Variants in EMC7 observed in about 807,000 individuals in gnomAD.
EMC7 encodes ER membrane protein complex subunit 7.
EMC7 carries 4 observed loss-of-function variants against 24.4 expected under a neutral mutation model. The observed-to-expected ratio is 0.16, with a 90% confidence interval of 0.08 to 0.38. The LOEUF is 0.38. Ranked by LOEUF, EMC7 falls within the 10% of genes least tolerant of loss-of-function variation. The pLI, the probability that EMC7 is intolerant of heterozygous loss-of-function variation, is 1.00. For missense variants in EMC7, 221 were observed against 300.6 expected, an observed-to-expected ratio of 0.74 and a Z score of 1.96; for synonymous variants, 106 against 112.0, an observed-to-expected ratio of 0.95 and a Z score of 0.34.
intron 4 of EMC7, among the ~76,000 whole-genome samples, chr15:34,087,573 T>C (rs1900909140): frequency 6.6e-6 from 1 of 152,172 alleles, no homozygotes; most frequent in Non-Finnish European, 1.5e-5. Flanking sequence ...CTTTGTAAAA[T>C]ATTTAGATTC....
chr15:34,094,400 TG>T (rs1901030222), intron 2 of EMC7, among the ~76,000 whole-genome samples: 1 of 151,928 alleles, frequency 6.6e-6, no homozygotes, highest in Non-Finnish European at 1.5e-5. Context: ...CGGGCGTTGG[TG>T]GTAGGTGCCT....
intron 4 of EMC7, chr15:34,085,948 G>A: frequency 5.4e-6 from 1 of 184,208 alleles, no homozygotes; most frequent in Non-Finnish European, 1.1e-5. Flanking sequence ...ATTGGGACTA[G>A]TGACTGTGAT....
At chr15:34,088,011 C>T in intron 4 of EMC7, 42 bp downstream of exon 4, 1 of 1,540,466 alleles carries the variant, frequency 6.5e-7, no homozygotes, top group Non-Finnish European at 8.8e-7. Flanking sequence ...GAGGCTCTAT[C>T]TCTTAAAAAA....
At chr15:34,098,917 A>G (rs774337044) in intron 1 of EMC7, among the ~76,000 whole-genome samples, 8 of 103,772 alleles carry the variant, frequency 7.7e-5, no homozygotes, top group Non-Finnish European at 1.2e-4. Flanking sequence ...AAAATAACAT[A>G]AAGTTTGCAA....
intron 2 of EMC7, among the ~76,000 whole-genome samples, chr15:34,091,772 G>A (rs917445941): frequency 1.3e-5 from 2 of 152,164 alleles, no homozygotes; most frequent in Non-Finnish European, 2.9e-5. Flanking sequence ...CTGGGTTAGA[G>A]AATATCAAAA....
chr15:34,089,273 A>T (rs905104914), intron 3 of EMC7, among the ~76,000 whole-genome samples: 1 of 152,240 alleles, frequency 6.6e-6, no homozygotes, highest in Admixed American at 6.5e-5. Context: ...TGTATATTTT[A>T]AAATCACAAT....
intron 4 of EMC7, 36 bp from the exon 5 acceptor site, chr15:34,084,522 C>G: frequency 6.3e-7 from 1 of 1,590,444 alleles, no homozygotes; most frequent in Non-Finnish European, 8.6e-7. Context: ...ATGTAGGATC[C>G]TTCGAGTCTT....
At chr15:34,089,231 T>G (rs923997427) in intron 3 of EMC7, among the ~76,000 whole-genome samples, 1 of 152,224 alleles carries the variant, frequency 6.6e-6, no homozygotes, top group Admixed American at 6.5e-5. Flanking sequence ...TTCTAAAAAC[T>G]GTTTTCTTGA....
At chr15:34,087,035 A>T (rs1900900500) in intron 4 of EMC7, among the ~76,000 whole-genome samples, 1 of 152,220 alleles carries the variant, frequency 6.6e-6, no homozygotes, top group African/African-American at 2.4e-5. Flanking sequence ...AATTTCTATT[A>T]AGAAAAAAGA....
chr15:34,093,823 A>ATTTATTTTTTTTTTT (rs1901019968), intron 2 of EMC7, among the ~76,000 whole-genome samples: 1 of 48,714 alleles, frequency 2.1e-5, no homozygotes, highest in African/African-American at 1.1e-4. Context: ...ATATATATAT[A>ATTTATTTTTTTTTTT]TTTTTTTTTT....
intron 1 of EMC7, among the ~76,000 whole-genome samples, chr15:34,098,972 T>C (rs950755683): frequency 6.6e-6 from 1 of 152,200 alleles, no homozygotes; most frequent in African/African-American, 2.4e-5. Flanking sequence ...CTACAAAATG[T>C]AGGCCTTATT....
chr15:34,089,728 G>A (rs534665790), intron 3 of EMC7, among the ~76,000 whole-genome samples: 16 of 152,236 alleles, frequency 1.1e-4, no homozygotes, highest in South Asian at 4.1e-4. Context: ...AGGCCGAGGC[G>A]GGCAGATCAC....
intron 2 of EMC7, among the ~76,000 whole-genome samples, chr15:34,093,825 T>A (rs79628154): frequency 0.036 from 727 of 20,130 alleles, 2 homozygotes; most frequent in African/African-American, 0.089. Flanking sequence ...ATATATATAT[T>A]TTTTTTTTTT....
At chr15:34,100,537 T>G (rs1901157300) in intron 1 of EMC7, 1 of 152,174 alleles carries the variant, frequency 6.6e-6, no homozygotes, top group South Asian at 2.1e-4. Context: ...TAGGGTAAAC[T>G]CTAACGAATG....
chr15:34,096,350 T>C (rs1044951407), intron 1 of EMC7, among the ~76,000 whole-genome samples: 26 of 152,090 alleles, frequency 1.7e-4, no homozygotes, highest in African/African-American at 6.3e-4. Flanking sequence ...TTTGTATTTT[T>C]AGTAGAGACG....
In EMC7 at chr15:34,090,472, G is replaced by A; in HGVS notation, c.357-17C>T. 6.3e-7 allele frequency: 1 copy of A among 1,598,152 alleles called. No individual in the cohort carries two copies. The highest frequency in any genetic ancestry group is 2.3e-5 in the East Asian group (1 of 44,336). On this transcript the variant is annotated splice_polypyrimidine_tract_variant and intron_variant, in intron 2 of 4. Coordinates refer to ENST00000256545, the MANE Select transcript of EMC7 (RefSeq NM_020154.3). Reference sequence around the variant, plus strand: ...TATCTTGCTCTGATAAAGCAACATGGGGAAAGCAACAGTAATTCCATTAAA... The same window carrying A: ...TATCTTGCTCTGATAAAGCAACATGAGGAAAGCAACAGTAATTCCATTAAA...
chr15:34,092,294 A>ACAC (rs1555523201), intron 2 of EMC7, among the ~76,000 whole-genome samples: 2 of 24,640 alleles, frequency 8.1e-5, no homozygotes, highest in African/African-American at 2.3e-4. Context: ...CACACACACA[A>ACAC]AGAATTAGGA....
chr15:34,095,410 A>G (rs1210530721), intron 2 of EMC7, among the ~76,000 whole-genome samples: 1 of 152,180 alleles, frequency 6.6e-6, no homozygotes, highest in Non-Finnish European at 1.5e-5. Context: ...TTTCACCTCA[A>G]TTGTTTTCCC....
intron 1 of EMC7, among the ~76,000 whole-genome samples, chr15:34,098,657 T>A (rs11072939): frequency 7.0e-6 from 1 of 143,824 alleles, no homozygotes; most frequent in Admixed American, 7.0e-5. Flanking sequence ...TTAGTAGAGA[T>A]GGGGTTTTTC....
Sources: gnomAD v4.1 joint callset for allele counts (sites outside exome capture counted in the v4.1 genomes callset) on GRCh38, gnomAD v4.1.1 for gene constraint, MANE v1.5 for transcripts, NCBI Gene and HGNC (gene_info 2026-07-23, HGNC 2026-07-21) for gene names.